The following MRTFB variants were observed in gnomAD, a reference collection of about 807,000 sequenced individuals.
The protein encoded by MRTFB is myocardin-related transcription factor B.
In MRTFB, 29 loss-of-function variants were observed where a neutral mutation model predicts 104.2. That is an observed-to-expected ratio of 0.28 (90% CI 0.21 to 0.38). MRTFB has a LOEUF of 0.38. MRTFB is among the 10% of genes least tolerant of loss of function. MRTFB has a pLI of 1.00. For missense variants in MRTFB, 1,270 were observed against 1,341.6 expected, an observed-to-expected ratio of 0.95 and a Z score of 0.83; for synonymous variants, 535 against 519.5, an observed-to-expected ratio of 1.03 and a Z score of -0.41.
At chr16:14,194,311 C>A (rs779018955) in intron 3 of MRTFB, among the ~76,000 whole-genome samples, 1 of 152,216 alleles carries the variant, frequency 6.6e-6, no homozygotes, top group Non-Finnish European at 1.5e-5. Flanking sequence ...TGGGTCTCTT[C>A]CAGGCTTGTA....
At chr16:14,230,718 A>T (rs1195918563) in intron 8 of MRTFB, among the ~76,000 whole-genome samples, 1 of 152,220 alleles carries the variant, frequency 6.6e-6, no homozygotes, top group East Asian at 1.9e-4. Flanking sequence ...TGTGGAAGTC[A>T]GTGTGGTGAT....
intron 6 of MRTFB, 139 bp from the exon 7 acceptor site, chr16:14,216,987 C>A: frequency 1.2e-6 from 1 of 820,538 alleles, no homozygotes; most frequent in Non-Finnish European, 1.8e-6. Context: ...CTTAAACAGT[C>A]ATTTTCTCTT....
At position 14,105,537 on chromosome 16, in the gene MRTFB, A is replaced by G. The variant is rs568038239; in HGVS notation, c.-64+26183A>G. The stretch of plus-strand genomic sequence containing the variant: ...CTCAGCCTCCCGAGTAGCTGGAACT[A>G]TAGGCACGTGCTACCGTACCCAGCT... On this transcript the variant is annotated intron_variant, in intron 2 of 16. Transcript: ENST00000571589. 1.0e-3 allele frequency among the ~76,000 whole-genome samples: 154 copies of G among 152,068 alleles called. 2 individuals are homozygous for G. The highest frequency in any genetic ancestry group is 3.6e-3 in the African/African-American group (149 of 41,476).
At chr16:14,123,660 T>G (rs1451224768) in intron 2 of MRTFB, among the ~76,000 whole-genome samples, 1 of 152,212 alleles carries the variant, frequency 6.6e-6, no homozygotes, top group Non-Finnish European at 1.5e-5. Context: ...CCATGCTGTT[T>G]TGGTTACTAG....
intron 2 of MRTFB, among the ~76,000 whole-genome samples, chr16:14,099,772 A>G (rs2035600722): frequency 6.6e-6 from 1 of 151,722 alleles, no homozygotes; most frequent in Non-Finnish European, 1.5e-5. Context: ...GGTTCCAGCA[A>G]TTCTCCTGCC....
intron 2 of MRTFB, among the ~76,000 whole-genome samples, chr16:14,131,321 C>G (rs1046743210): frequency 6.6e-6 from 1 of 152,120 alleles, no homozygotes; most frequent in African/African-American, 2.4e-5. Flanking sequence ...TGTAGTTAAA[C>G]TGTTTTTTAG....
intron 3 of MRTFB, among the ~76,000 whole-genome samples, chr16:14,154,474 C>A (rs752525370): frequency 5.9e-5 from 9 of 152,180 alleles, no homozygotes; most frequent in Non-Finnish European, 1.3e-4. Flanking sequence ...CAATCTCTTA[C>A]AATTTTAATT....
intron 2 of MRTFB, among the ~76,000 whole-genome samples, chr16:14,131,664 T>C (rs2037446241): frequency 6.6e-6 from 1 of 151,798 alleles, no homozygotes; most frequent in Non-Finnish European, 1.5e-5. Flanking sequence ...GTAAATAAGA[T>C]ATATAAATGG....
At chr16:14,070,880 G>A (rs2033639635), upstream of MRTFB, among the ~76,000 whole-genome samples, 1 of 152,220 alleles carries the variant, frequency 6.6e-6, no homozygotes, top group African/African-American at 2.4e-5. Context: ...TTCCTTGCCA[G>A]GCCTCCATTT....
At chr16:14,200,192 A>G in intron 3 of MRTFB, 1 of 943,324 alleles carries the variant, frequency 1.1e-6, no homozygotes. Context: ...TATTCATTAT[A>G]GCATTATTTG....
the MRTFB span, among the ~76,000 whole-genome samples, chr16:14,047,340 C>T: frequency 6.6e-6 from 1 of 152,200 alleles, no homozygotes; most frequent in Non-Finnish European, 1.5e-5. Context: ...CCAGTCATCA[C>T]CCTTGTAATT....
At chr16:14,014,699 C>CAAAAAAGA in the MRTFB span, among the ~76,000 whole-genome samples, 1 of 151,252 alleles carries the variant, frequency 6.6e-6, no homozygotes, top group Non-Finnish European at 1.5e-5. Flanking sequence ...ACTAAAAATG[C>CAAAAAAGA]AAAAAAGAAA....
intron 3 of MRTFB, among the ~76,000 whole-genome samples, chr16:14,179,553 G>T (rs1030720411): frequency 6.6e-6 from 1 of 152,160 alleles, no homozygotes; most frequent in African/African-American, 2.4e-5. Context: ...TTATGTCCTA[G>T]TGCTTGTTCT....
the MRTFB span, among the ~76,000 whole-genome samples, chr16:14,008,773 T>G: frequency 1.3e-5 from 2 of 152,164 alleles, no homozygotes; most frequent in Admixed American, 1.3e-4. Flanking sequence ...TTGAGAAGTT[T>G]TGCTATCTTA....
chr16:14,043,063 C>T, the MRTFB span, among the ~76,000 whole-genome samples: 3 of 152,190 alleles, frequency 2.0e-5, no homozygotes, highest in Non-Finnish European at 4.4e-5. Context: ...CTCTGGGAGA[C>T]TTCTGGAGAC....
Position 14,140,624 on chromosome 16 carries a change from G to A in MRTFB, c.18G>A (p.Ala6=), listed in dbSNP as rs888165892. MDHTG[A]IDTEDEVGPL... is the part of the protein sequence containing the mutation. ...GGAACACAATGGATCACACAGGGGC[G>A]ATAGACACCGAGGATGAAGTGGGAC... Residue 6 remains alanine (A), a synonymous_variant, in exon 3 of 17, where the codon GCG becomes GCA. Transcript: ENST00000571589. 6.2e-7 allele frequency: 1 copy of A among 1,614,162 alleles called. No individual in the cohort carries two copies. Among genetic ancestry groups the A allele is most frequent in the South Asian group, 1.1e-5 (1 of 91,080 alleles).
At chr16:13,998,683 G>A in the MRTFB span, among the ~76,000 whole-genome samples, 1 of 151,156 alleles carries the variant, frequency 6.6e-6, no homozygotes, top group South Asian at 2.1e-4. Context: ...GGAGGAAGAG[G>A]AAGAAGAGGA....
chr16:14,201,687 C>G (rs1032016915), intron 3 of MRTFB, among the ~76,000 whole-genome samples: 1 of 152,174 alleles, frequency 6.6e-6, no homozygotes, highest in Non-Finnish European at 1.5e-5. Context: ...AGATTGAAAG[C>G]TCTTCAGTGG....
At chr16:14,233,984 A>G (rs1380068064) in intron 8 of MRTFB, among the ~76,000 whole-genome samples, 162 bp from the exon 9 acceptor site, 1 of 152,148 alleles carries the variant, frequency 6.6e-6, no homozygotes, top group Non-Finnish European at 1.5e-5. Flanking sequence ...CTGAGGCGTA[A>G]AGCATGTTAT....
Sources: allele counts gnomAD v4.1 joint callset (sites outside exome capture counted in the v4.1 genomes callset), GRCh38; gene constraint gnomAD v4.1.1; transcripts MANE v1.5; gene names NCBI Gene and HGNC (gene_info 2026-07-23, HGNC 2026-07-21).